The following PTPRG variants were observed in gnomAD, a reference collection of about 807,000 sequenced individuals.
PTPRG encodes the protein protein tyrosine phosphatase receptor type G.
A neutral mutation model predicts 165.3 loss-of-function variants in PTPRG; 102 were observed. The observed-to-expected ratio is 0.62, with a 90% CI of 0.53 to 0.73. The LOEUF is 0.73. Ranked by LOEUF, PTPRG falls within the 30% of genes least tolerant of loss-of-function variation. The probability of loss-of-function intolerance (pLI) is 0.00; values close to 1 mark genes in which losing one functional copy is unlikely to be tolerated. For missense variants in PTPRG, 1,866 were observed against 1,861.4 expected (o/e 1.00, Z -0.05); for synonymous variants, 675 against 669.5 (o/e 1.01, Z -0.13).
At chr3:61,684,638 G>A (rs945628826) in intron 1 of PTPRG, among the ~76,000 whole-genome samples, 6 of 152,168 alleles carry the variant, frequency 3.9e-5, no homozygotes, top group African/African-American at 9.7e-5. Flanking sequence ...TCATAAAAGC[G>A]GGGGCCTCTG....
chr3:61,920,250 G>C (rs2039044509), intron 2 of PTPRG, among the ~76,000 whole-genome samples: 1 of 152,118 alleles, frequency 6.6e-6, no homozygotes, highest in South Asian at 2.1e-4. Flanking sequence ...AGTCTTTCCA[G>C]CTCTGTGCCT....
intron 2 of PTPRG, among the ~76,000 whole-genome samples, chr3:61,970,306 G>C (rs77747195): frequency 0.019 from 2,955 of 152,220 alleles, 117 homozygotes; most frequent in African/African-American, 0.068. Flanking sequence ...TCAGGATAAA[G>C]ACCATACTTA....
intron 5 of PTPRG, among the ~76,000 whole-genome samples, chr3:62,132,143 G>C (rs568816316): frequency 1.1e-4 from 16 of 152,244 alleles, no homozygotes; most frequent in African/African-American, 3.8e-4. Flanking sequence ...TTTCACAGGG[G>C]ACTGGGATCC....
At chr3:61,565,485 A>G (rs995303330) in intron 1 of PTPRG, among the ~76,000 whole-genome samples, 1 of 152,096 alleles carries the variant, frequency 6.6e-6, no homozygotes, top group African/African-American at 2.4e-5. Context: ...AATCCTACAC[A>G]TAGTTCATTC....
At position 62,277,043 on chromosome 3, in the gene PTPRG, A is replaced by G. The variant is rs1702254425; in HGVS notation, c.3631A>G (p.Ile1211Val). The G allele has an allele frequency of 3.1e-6, 5 of 1,611,646 alleles. No individual in the cohort carries two copies. The highest frequency in any genetic ancestry group is 4.2e-6 in the Non-Finnish European group (5 of 1,178,102). ...KGTDYINASY[I>V]MGYYRSNEFI... ...AACAGATTACATTAATGCTTCTTAT[A>G]TCATGGTGAGAGTCAACAGTTAATT... The change falls in exon 25 of 30, where the codon ATC becomes GTC. Residue 1211 changes from isoleucine to valine, a missense_variant. Ile to Val is a conservative substitution (Grantham distance 29). Transcript: ENST00000474889.
At chr3:62,043,986 T>C (rs1700208024) in intron 4 of PTPRG, among the ~76,000 whole-genome samples, 1 of 152,208 alleles carries the variant, frequency 6.6e-6, no homozygotes, top group Admixed American at 6.5e-5. Flanking sequence ...TTTTCAATTT[T>C]CTCTGTAGGG....
chr3:61,721,735 A>G (rs900454406), intron 1 of PTPRG, among the ~76,000 whole-genome samples: 2 of 152,094 alleles, frequency 1.3e-5, no homozygotes, highest in African/African-American at 4.8e-5. Flanking sequence ...AGCAAAATCC[A>G]TGTGTCACCT....
chr3:61,987,137 A>C (rs996451778), intron 2 of PTPRG, among the ~76,000 whole-genome samples: 2 of 152,152 alleles, frequency 1.3e-5, no homozygotes, highest in Non-Finnish European at 2.9e-5. Context: ...AAAGTGTTCT[A>C]TTTCCTCTGC....
At chr3:61,583,519 T>G (rs1700355946) in intron 1 of PTPRG, among the ~76,000 whole-genome samples, 1 of 152,202 alleles carries the variant, frequency 6.6e-6, no homozygotes, top group African/African-American at 2.4e-5. Context: ...TTTATTGTAC[T>G]GCTATTATTT....
At chr3:61,874,096 C>T (rs1050985606) in intron 2 of PTPRG, among the ~76,000 whole-genome samples, 1 of 152,188 alleles carries the variant, frequency 6.6e-6, no homozygotes, top group Non-Finnish European at 1.5e-5. Context: ...AAATCAGACT[C>T]TCAGGGGCAC....
intron 7 of PTPRG, among the ~76,000 whole-genome samples, chr3:62,166,201 T>TTTTC (rs1704973832): frequency 3.3e-5 from 2 of 61,134 alleles, no homozygotes; most frequent in African/African-American, 1.7e-4. Context: ...ACAGTTCTTT[T>TTTTC]TTTTTTTTTT....
intron 6 of PTPRG, among the ~76,000 whole-genome samples, chr3:62,135,348 G>A (rs1194284428): frequency 1.3e-5 from 2 of 151,950 alleles, no homozygotes; most frequent in African/African-American, 2.4e-5. Flanking sequence ...GTCCTGTGAG[G>A]GATTTGAATG....
At chr3:62,011,573 A>C (rs1267749651) in intron 4 of PTPRG, among the ~76,000 whole-genome samples, 1 of 152,148 alleles carries the variant, frequency 6.6e-6, no homozygotes, top group East Asian at 1.9e-4. Context: ...TTAGTTAATG[A>C]CTTTATTGAA....
chr3:61,756,065 G>A (rs1468758056), intron 2 of PTPRG, among the ~76,000 whole-genome samples: 1 of 152,146 alleles, frequency 6.6e-6, no homozygotes, highest in Non-Finnish European at 1.5e-5. Flanking sequence ...ATGAATTGTT[G>A]TCCCCAAGAT....
intron 5 of PTPRG, among the ~76,000 whole-genome samples, chr3:62,082,471 T>C (rs1047411626): frequency 6.6e-6 from 1 of 152,210 alleles, no homozygotes. Context: ...TGTTTATGAT[T>C]CTTTTCTTCA....
chr3:61,691,468 T>G (rs944576299), intron 1 of PTPRG, among the ~76,000 whole-genome samples: 1 of 152,192 alleles, frequency 6.6e-6, no homozygotes, highest in Non-Finnish European at 1.5e-5. Context: ...TATTTGTGCT[T>G]CATATATATG....
intron 6 of PTPRG, among the ~76,000 whole-genome samples, chr3:62,134,051 A>G (rs1479703735): frequency 6.6e-6 from 1 of 152,112 alleles, no homozygotes; most frequent in Non-Finnish European, 1.5e-5. Context: ...TACTAGCCCC[A>G]TTCTTCAGGG....
intron 2 of PTPRG, among the ~76,000 whole-genome samples, chr3:61,887,790 C>G (rs1168012796): frequency 6.6e-6 from 1 of 151,550 alleles, no homozygotes; most frequent in Admixed American, 6.6e-5. Context: ...CTCAGAGTAT[C>G]TTTGCATATA....
At chr3:62,011,775 G>C (rs1464880010) in intron 4 of PTPRG, among the ~76,000 whole-genome samples, 1 of 152,170 alleles carries the variant, frequency 6.6e-6, no homozygotes, top group Non-Finnish European at 1.5e-5. Context: ...AGTTTTGTGA[G>C]GTAAAACAGC....
Sources: allele counts gnomAD v4.1 joint callset (sites outside exome capture counted in the v4.1 genomes callset), GRCh38; gene constraint gnomAD v4.1.1; transcripts MANE v1.5; gene names NCBI Gene and HGNC (gene_info 2026-07-23, HGNC 2026-07-21).